CMSS1: variants seen among roughly 807,000 people sequenced by gnomAD.
The protein encoded by CMSS1 is protein CMSS1.
CMSS1 carries 33 observed loss-of-function variants against 43.5 expected under a neutral mutation model. The observed-to-expected ratio is 0.76, with a 90% CI of 0.57 to 1.01. The LOEUF is 1.01. CMSS1 is among the 50% of genes least tolerant of loss of function. The pLI is 0.00. For missense variants in CMSS1, 313 were observed against 326.4 expected, an observed-to-expected ratio of 0.96 and a Z score of 0.32; for synonymous variants, 115 against 117.2, an observed-to-expected ratio of 0.98 and a Z score of 0.12.
chr3:99,873,967 C>T (rs906598468), intron 1 of CMSS1, among the ~76,000 whole-genome samples: 3 of 152,182 alleles, frequency 2.0e-5, no homozygotes, highest in Non-Finnish European at 4.4e-5. Context: ...ATTTTCCCAT[C>T]ATACAGATTG....
At chr3:100,122,126 G>T (rs2066626861) in intron 1 of CMSS1, among the ~76,000 whole-genome samples, 2 of 152,218 alleles carry the variant, frequency 1.3e-5, no homozygotes. Flanking sequence ...ATGCATGGAG[G>T]AAACCAAGGG....
chr3:99,855,911 A>G (rs1053988693), intron 1 of CMSS1, among the ~76,000 whole-genome samples: 5 of 152,260 alleles, frequency 3.3e-5, no homozygotes, highest in Non-Finnish European at 7.3e-5. Flanking sequence ...CAGCCAAACC[A>G]GTCATTCAGG....
At chr3:99,863,549 T>C (rs1036159501) in intron 1 of CMSS1, among the ~76,000 whole-genome samples, 1 of 152,216 alleles carries the variant, frequency 6.6e-6, no homozygotes, top group East Asian at 1.9e-4. Flanking sequence ...AAGCAGCAGA[T>C]TGAAAGATAC....
intron 1 of CMSS1, among the ~76,000 whole-genome samples, chr3:100,013,970 G>A (rs777288652): frequency 6.6e-6 from 1 of 151,824 alleles, no homozygotes; most frequent in Non-Finnish European, 1.5e-5. Flanking sequence ...CCTCTGTGCC[G>A]CCCCCTTCCC....
At chr3:99,891,124 G>T (rs1340314247) in intron 1 of CMSS1, among the ~76,000 whole-genome samples, 4 of 151,718 alleles carry the variant, frequency 2.6e-5, no homozygotes, top group Non-Finnish European at 5.9e-5. Context: ...TAGCTTGTTA[G>T]TATACCTTCT....
intron 1 of CMSS1, among the ~76,000 whole-genome samples, chr3:99,992,030 G>GTA (rs139864021): frequency 9.7e-4 from 145 of 149,180 alleles, no homozygotes; most frequent in Non-Finnish European, 1.7e-3. Context: ...ATATATACGT[G>GTA]TATATATATA....
chr3:99,893,829 T>C (rs146635240), intron 1 of CMSS1, among the ~76,000 whole-genome samples: 1 of 152,316 alleles, frequency 6.6e-6, no homozygotes, highest in Non-Finnish European at 1.5e-5. Context: ...AAAAATATCT[T>C]TAGGTTTTAC....
chr3:100,001,335 G>C (rs1327018180), intron 1 of CMSS1, among the ~76,000 whole-genome samples: 1 of 152,190 alleles, frequency 6.6e-6, no homozygotes, highest in African/African-American at 2.4e-5. Context: ...GTGACGCAGT[G>C]TCAGAGGTGA....
intron 1 of CMSS1, among the ~76,000 whole-genome samples, chr3:100,073,559 G>T (rs1346082153): frequency 6.6e-6 from 1 of 152,134 alleles, no homozygotes. Context: ...AAGGAACTTG[G>T]GTCCAGGATG....
At chr3:100,006,472 A>AG (rs1160487247) in intron 1 of CMSS1, among the ~76,000 whole-genome samples, 1 of 152,024 alleles carries the variant, frequency 6.6e-6, no homozygotes, top group Non-Finnish European at 1.5e-5. Flanking sequence ...GCTTTTCATG[A>AG]GGTTATCATC....
intron 1 of CMSS1, among the ~76,000 whole-genome samples, chr3:100,067,703 T>C (rs1011675144): frequency 1.9e-4 from 29 of 152,120 alleles, no homozygotes; most frequent in Non-Finnish European, 1.2e-4. Context: ...GATTAACTAG[T>C]TTAAAAACTG....
intron 1 of CMSS1, among the ~76,000 whole-genome samples, chr3:99,846,822 T>C (rs947753494): frequency 6.6e-6 from 1 of 152,206 alleles, no homozygotes; most frequent in Admixed American, 6.5e-5. Flanking sequence ...GTATTTAAAA[T>C]CAATAACTGG....
intron 1 of CMSS1, among the ~76,000 whole-genome samples, chr3:100,036,245 C>T (rs562913043): frequency 6.6e-6 from 1 of 152,292 alleles, no homozygotes; most frequent in Non-Finnish European, 1.5e-5. Flanking sequence ...AAAGCTTCTA[C>T]ATCTCATTTC....
chr3:100,150,634 T>C (rs751856717), intron 2 of CMSS1, among the ~76,000 whole-genome samples: 8 of 152,244 alleles, frequency 5.3e-5, no homozygotes, highest in Non-Finnish European at 1.0e-4. Context: ...TTTAAATCCA[T>C]GCAACTACCT....
At chr3:100,161,425 CTAGA>C (rs2067022424) in intron 3 of CMSS1, among the ~76,000 whole-genome samples, 1 of 152,120 alleles carries the variant, frequency 6.6e-6, no homozygotes, top group African/African-American at 2.4e-5. Context: ...AAAACTCTAG[CTAGA>C]TAGTTTAGTC....
intron 1 of CMSS1, among the ~76,000 whole-genome samples, chr3:100,004,445 G>A (rs1250573627): frequency 6.6e-6 from 1 of 152,138 alleles, no homozygotes; most frequent in Non-Finnish European, 1.5e-5. Flanking sequence ...CAAGGGAGGA[G>A]AACCAACAGA....
intron 1 of CMSS1, among the ~76,000 whole-genome samples, chr3:100,009,911 T>G (rs1490287135): frequency 1.3e-5 from 2 of 152,222 alleles, no homozygotes; most frequent in Non-Finnish European, 2.9e-5. Flanking sequence ...AATACCACTT[T>G]CTTTCACCAT....
At chr3:99,990,600 C>T (rs1052824124) in intron 1 of CMSS1, among the ~76,000 whole-genome samples, 1 of 152,170 alleles carries the variant, frequency 6.6e-6, no homozygotes, top group Non-Finnish European at 1.5e-5. Context: ...AATACCAATT[C>T]TTGTGCTTCA....
At chr3:100,012,889 T>G (rs1414468250) in intron 1 of CMSS1, among the ~76,000 whole-genome samples, 1 of 151,082 alleles carries the variant, frequency 6.6e-6, no homozygotes, top group Middle Eastern at 3.2e-3. Context: ...TCCTCCCATC[T>G]CAGCCTCCTA....
Sources: allele counts gnomAD v4.1 joint callset (sites outside exome capture counted in the v4.1 genomes callset), GRCh38; gene constraint gnomAD v4.1.1; transcripts MANE v1.5; gene names NCBI Gene and HGNC (gene_info 2026-07-23, HGNC 2026-07-21).